Variants in RGS8 observed in about 807,000 individuals in gnomAD.
RGS8 encodes regulator of G-protein signaling 8.
In RGS8, 8 loss-of-function variants were observed where a neutral mutation model predicts 21.7. The ratio of observed to expected loss-of-function variants is 0.37; its 90% CI spans 0.22 to 0.66. The LOEUF (loss-of-function observed/expected upper bound fraction) is 0.66. Ranked by LOEUF, RGS8 falls within the 30% of genes least tolerant of loss-of-function variation. The pLI, the probability that RGS8 is intolerant of heterozygous loss-of-function variation, is 0.59. For synonymous variants in RGS8, 80 were observed against 83.6 expected, an observed-to-expected ratio of 0.96 and a Z score of 0.24; for missense variants, 157 against 217.9, an observed-to-expected ratio of 0.72 and a Z score of 1.76.
the RGS8 span, among the ~76,000 whole-genome samples, chr1:182,721,525 A>G: frequency 6.6e-6 from 1 of 152,240 alleles, no homozygotes; most frequent in Non-Finnish European, 1.5e-5. Context: ...CCTAGAGCCA[A>G]TAATGCCTAA....
the RGS8 span, among the ~76,000 whole-genome samples, chr1:182,745,765 A>G: frequency 2.0e-5 from 3 of 152,202 alleles, no homozygotes; most frequent in Admixed American, 6.5e-5. Context: ...ACTGAGCATA[A>G]TCTCTTACCC....
chr1:182,728,941 C>T, the RGS8 span, among the ~76,000 whole-genome samples: 1 of 152,178 alleles, frequency 6.6e-6, no homozygotes, highest in Non-Finnish European at 1.5e-5. Flanking sequence ...CACCATGACA[C>T]ACATTTACCT....
At chr1:182,746,609 G>A in the RGS8 span, among the ~76,000 whole-genome samples, 12 of 151,810 alleles carry the variant, frequency 7.9e-5, no homozygotes, top group South Asian at 1.0e-3. Context: ...TGGAGATCGC[G>A]CCACTGCACT....
the RGS8 span, among the ~76,000 whole-genome samples, chr1:182,735,838 C>T: frequency 6.6e-6 from 1 of 152,210 alleles, no homozygotes; most frequent in Non-Finnish European, 1.5e-5. Flanking sequence ...CTTCCCCTCA[C>T]AGAGACACAG....
At chr1:182,676,196 G>A (rs1435003451), upstream of RGS8, among the ~76,000 whole-genome samples, 1 of 152,178 alleles carries the variant, frequency 6.6e-6, no homozygotes, top group East Asian at 1.9e-4. Flanking sequence ...CCATGAGAAT[G>A]TAATTAAATT....
At chr1:182,713,651 C>A in the RGS8 span, among the ~76,000 whole-genome samples, 14 of 152,152 alleles carry the variant, frequency 9.2e-5, no homozygotes, top group African/African-American at 3.4e-4. Flanking sequence ...GTTCACCTCT[C>A]TCCCCTGTCC....
chr1:182,750,249 C>T, the RGS8 span, among the ~76,000 whole-genome samples: 1 of 152,032 alleles, frequency 6.6e-6, no homozygotes, highest in Non-Finnish European at 1.5e-5. Flanking sequence ...AATGGCCTAC[C>T]CTCTTTTCTG....
the RGS8 span, among the ~76,000 whole-genome samples, chr1:182,728,792 A>G: frequency 6.6e-6 from 1 of 152,244 alleles, no homozygotes; most frequent in South Asian, 2.1e-4. Context: ...TCAGTCAAAA[A>G]TTAGAAGGAC....
At chr1:182,680,241 G>A (rs1041027748) in intron 1 of RGS8, among the ~76,000 whole-genome samples, 7 of 152,156 alleles carry the variant, frequency 4.6e-5, no homozygotes, top group African/African-American at 1.7e-4. Flanking sequence ...AGCTTAAGAA[G>A]GATCCTGATA....
chr1:182,678,751 T>A (rs1488836391), intron 1 of RGS8, among the ~76,000 whole-genome samples: 1 of 152,198 alleles, frequency 6.6e-6, no homozygotes, highest in Admixed American at 6.5e-5. Context: ...CCTTAAACAC[T>A]GAACTCAGGT....
At chr1:182,691,069 A>G in the RGS8 span, among the ~76,000 whole-genome samples, 1 of 152,254 alleles carries the variant, frequency 6.6e-6, no homozygotes, top group Non-Finnish European at 1.5e-5. Flanking sequence ...TTCATATTAG[A>G]TAATCTAGCT....
At chr1:182,729,528 G>A in the RGS8 span, among the ~76,000 whole-genome samples, 7 of 152,196 alleles carry the variant, frequency 4.6e-5, no homozygotes, top group East Asian at 3.9e-4. Flanking sequence ...GAAAATGTGC[G>A]TTGTTCTGTA....
the RGS8 span, among the ~76,000 whole-genome samples, chr1:182,714,801 G>A: frequency 6.6e-6 from 1 of 152,056 alleles, no homozygotes; most frequent in Non-Finnish European, 1.5e-5. Context: ...TAAAAACATT[G>A]CTTTGTGCTC....
chr1:182,734,773 T>A, the RGS8 span: 1 of 152,214 alleles, frequency 6.6e-6, no homozygotes, highest in African/African-American at 2.4e-5. Flanking sequence ...GTTCAGAGCC[T>A]ATAATCACTT....
chr1:182,748,957 T>G, the RGS8 span, among the ~76,000 whole-genome samples: 1 of 152,154 alleles, frequency 6.6e-6, no homozygotes, highest in Non-Finnish European at 1.5e-5. Context: ...GGTTATTTGG[T>G]CTTTTGCTGT....
At chr1:182,707,508 GC>G in the RGS8 span, among the ~76,000 whole-genome samples, 1 of 151,970 alleles carries the variant, frequency 6.6e-6, no homozygotes, top group Non-Finnish European at 1.5e-5. Flanking sequence ...TCCTTTTCCT[GC>G]CCCCACCTCT....
At chr1:182,752,265 A>G in the RGS8 span, among the ~76,000 whole-genome samples, 1 of 152,206 alleles carries the variant, frequency 6.6e-6, no homozygotes, top group Non-Finnish European at 1.5e-5. Flanking sequence ...ACATCCTAGC[A>G]GCCACAGGAG....
chr1:182,694,816 A>G, the RGS8 span, among the ~76,000 whole-genome samples: 1 of 152,148 alleles, frequency 6.6e-6, no homozygotes, highest in African/African-American at 2.4e-5. Flanking sequence ...TCAAAAAAAA[A>G]AAAAAAAGTT....
chr1:182,737,124 G>A, the RGS8 span, among the ~76,000 whole-genome samples: 2 of 151,920 alleles, frequency 1.3e-5, no homozygotes, highest in African/African-American at 4.8e-5. Flanking sequence ...TTTGGCTTGT[G>A]GCTGCATCAC....
Sources: gnomAD v4.1 joint callset for allele counts (sites outside exome capture counted in the v4.1 genomes callset) on GRCh38, gnomAD v4.1.1 for gene constraint, MANE v1.5 for transcripts, NCBI Gene and HGNC (gene_info 2026-07-23, HGNC 2026-07-21) for gene names.